The following PIK3C2A variants were observed in gnomAD, a reference collection of about 807,000 sequenced individuals.
The protein encoded by PIK3C2A is phosphatidylinositol-4-phosphate 3-kinase catalytic subunit type 2 alpha.
PIK3C2A carries 97 observed loss-of-function variants against 204.5 expected under a neutral mutation model. The ratio of observed to expected loss-of-function variants is 0.47; its 90% CI spans 0.40 to 0.56. The LOEUF is 0.56. Among genes scored for constraint, PIK3C2A ranks in the 20% least tolerant of loss-of-function variants. PIK3C2A has a pLI of 0.00. For missense variants in PIK3C2A, 1,735 were observed against 1,969.2 expected, an observed-to-expected ratio of 0.88 and a Z score of 2.25; for synonymous variants, 653 against 664.4, an observed-to-expected ratio of 0.98 and a Z score of 0.26.
At position 17,105,220 on chromosome 11, in the gene PIK3C2A, T is replaced by G. The variant is rs1352165369; in HGVS notation, c.3630A>C (p.Pro1210=). 3.1e-6 allele frequency: 5 copies of G among 1,611,610 alleles called. No individual in the cohort carries two copies. Among genetic ancestry groups the G allele is most frequent in the Non-Finnish European group, 4.2e-6 (5 of 1,177,870 alleles). The change falls in exon 23 of 33, where the codon CCA becomes CCC. Residue 1210 remains proline (P), a synonymous_variant. Coordinates refer to ENST00000691414, the MANE Select transcript of PIK3C2A (RefSeq NM_002645.4). ...YGVTGSFKDK[P]LAEWLRKYNP... is the part of the protein sequence containing the mutation. Reference sequence around the variant, plus strand: ...TGTATTTCCTTAGCCACTCTGCAAGTGGTTTATCTTTAAAGGATCCTGTCA... The same window carrying G: ...TGTATTTCCTTAGCCACTCTGCAAGGGGTTTATCTTTAAAGGATCCTGTCA...
chr11:17,091,431 G>C lies in PIK3C2A; in HGVS notation c.4781C>G (p.Pro1594Arg). The C allele has an allele frequency of 6.2e-7, 1 of 1,613,662 alleles. No homozygotes were observed. The highest frequency in any genetic ancestry group is 8.5e-7 in the Non-Finnish European group (1 of 1,179,802). ...TGGAAGTAGGTATGTTTTGACATAT[G>C]GATTTGGGTCAGCTCCATCTTCAGT... ...LVTEDGADPN[P>R]YVKTYLLPDN... Residue 1594 changes from proline to arginine, a missense_variant, in exon 32 of 33, where the codon CCA becomes CGA. Physicochemically the swap from Pro to Arg is moderately radical, Grantham distance 103. This residue lies in a region of PIK3C2A where 503 missense variants were observed against 669.0 expected (regional missense o/e 0.75). Transcript: ENST00000691414.
intron 2 of PIK3C2A, among the ~76,000 whole-genome samples, chr11:17,156,040 CA>C (rs1239981176): frequency 6.6e-6 from 1 of 152,138 alleles, no homozygotes; most frequent in East Asian, 1.9e-4. Context: ...AACTAGGACC[CA>C]AATCCCAAGA....
intron 1 of PIK3C2A, among the ~76,000 whole-genome samples, chr11:17,197,848 A>T: frequency 6.6e-6 from 1 of 152,338 alleles, no homozygotes; most frequent in Admixed American, 6.5e-5. Context: ...ACCTGCATTT[A>T]ACATGGCTTA....
At chr11:17,146,282 G>A (rs993271527) in intron 6 of PIK3C2A, among the ~76,000 whole-genome samples, 2 of 152,176 alleles carry the variant, frequency 1.3e-5, no homozygotes, top group Admixed American at 6.5e-5. Flanking sequence ...AAATGCATAT[G>A]GGGTAGAAAA....
chr11:17,137,173 C>T (rs1267273078), intron 8 of PIK3C2A, among the ~76,000 whole-genome samples: 12 of 152,092 alleles, frequency 7.9e-5, no homozygotes, highest in Non-Finnish European at 1.8e-4. Flanking sequence ...TACTATACCA[C>T]CCCTTAAAAA....
chr11:17,110,501 T>C lies in PIK3C2A; in HGVS notation c.3475A>G (p.Ile1159Val). ...AGATCTAGTCCTTCTTTAAGCCAGA[T>C]CTTATCCATAATCTTTATCATCTGT... The part of the protein sequence containing the change: ...ALQMIKIMDK[I>V]WLKEGLDLRM... The change falls in exon 22 of 33, where the codon ATC becomes GTC. Residue 1159 changes from isoleucine (I) to valine (V), a missense_variant. By Grantham distance (29) the Ile-to-Val change is conservative (BLOSUM62 3). This residue lies in a region of PIK3C2A where 503 missense variants were observed against 669.0 expected (regional missense o/e 0.75). Transcript: ENST00000691414. 1.9e-6 allele frequency: 3 copies of C among 1,610,172 alleles called. No individual in the cohort carries two copies. In the South Asian group the frequency reaches 3.3e-5, roughly 18 times the overall value.
At chr11:17,198,935 G>A (rs1393472775) in intron 1 of PIK3C2A, among the ~76,000 whole-genome samples, 3 of 152,064 alleles carry the variant, frequency 2.0e-5, no homozygotes, top group Admixed American at 6.6e-5. Context: ...CCTGGCCAAC[G>A]TGGTGAAACA....
chr11:17,113,029 G>A (rs886993907), intron 20 of PIK3C2A, among the ~76,000 whole-genome samples: 4 of 151,434 alleles, frequency 2.6e-5, no homozygotes, highest in Admixed American at 2.6e-4. Flanking sequence ...TTATTTTTTT[G>A]AGATAGAGTT....
intron 1 of PIK3C2A, among the ~76,000 whole-genome samples, chr11:17,171,499 A>G (rs989332931): frequency 1.3e-4 from 20 of 151,786 alleles, no homozygotes; most frequent in Admixed American, 1.2e-3. Context: ...AGGTAATACT[A>G]AACAAAAAAA....
intron 8 of PIK3C2A, among the ~76,000 whole-genome samples, chr11:17,143,708 G>A (rs555171828): frequency 3.0e-4 from 46 of 152,154 alleles, no homozygotes; most frequent in Middle Eastern, 6.8e-3. Flanking sequence ...AGGCCAAGGC[G>A]AGTGGATCAC....
At chr11:17,182,901 A>G (rs522619) in intron 1 of PIK3C2A, among the ~76,000 whole-genome samples, 36,544 of 152,156 alleles carry the variant, frequency 0.24, 5,374 homozygotes, top group East Asian at 0.38. Flanking sequence ...GTGAAGCAGC[A>G]TGATCACAGT....
intron 6 of PIK3C2A, among the ~76,000 whole-genome samples, chr11:17,147,054 T>G (rs1850266545): frequency 6.7e-6 from 1 of 149,356 alleles, no homozygotes; most frequent in Admixed American, 6.6e-5. Context: ...TGAAAGCACT[T>G]TTTTTTTTAA....
rs897681544 is a variant in PIK3C2A, at chr11:17,088,860, A to G, written c.*878T>C. 7 of 152,232 alleles carry G rather than the reference A, an allele frequency of 4.6e-5. No homozygotes were observed. Among genetic ancestry groups the G allele is most frequent in the African/African-American group, 1.4e-4 (6 of 41,472 alleles). The allele number at this position is 152,232 out of a possible 1,614,324, so 9.4% of individuals were successfully genotyped here. ...GGAGGTGAAATTACCATTCCTGGGA[A>G]TAAATGTAGGATTTTAATGGAATGA... is the stretch of plus-strand genomic sequence containing the variant. On this transcript the variant is annotated 3_prime_UTR_variant, in exon 33 of 33. Transcript: ENST00000691414.
intron 1 of PIK3C2A, among the ~76,000 whole-genome samples, chr11:17,207,258 C>T (rs528850888): frequency 6.6e-6 from 1 of 152,276 alleles, no homozygotes; most frequent in African/African-American, 2.4e-5. Context: ...GGATGATGCG[C>T]TAAATACACA....
intron 2 of PIK3C2A, among the ~76,000 whole-genome samples, chr11:17,166,889 T>C (rs766365221): frequency 5.3e-5 from 8 of 152,156 alleles, no homozygotes; most frequent in Admixed American, 1.3e-4. Context: ...ATCTGCCTAT[T>C]AGAAATTGAC....
intron 12 of PIK3C2A, among the ~76,000 whole-genome samples, chr11:17,130,367 C>T (rs577615933): frequency 2.0e-5 from 3 of 152,168 alleles, no homozygotes; most frequent in Non-Finnish European, 4.4e-5. Flanking sequence ...TTTTGTGTTA[C>T]TTGATTGCTT....
At chr11:17,130,662 C>G (rs984166948) in intron 12 of PIK3C2A, among the ~76,000 whole-genome samples, 1 of 151,222 alleles carries the variant, frequency 6.6e-6, no homozygotes, top group Non-Finnish European at 1.5e-5. Context: ...AAAAAATTAG[C>G]CAGGCATGGT....
At chr11:17,192,884 T>A (rs766747846) in intron 1 of PIK3C2A, among the ~76,000 whole-genome samples, 2 of 152,258 alleles carry the variant, frequency 1.3e-5, no homozygotes, top group Admixed American at 6.5e-5. Context: ...CCAAAACTCA[T>A]GTTGAAATTT....
In PIK3C2A at chr11:17,099,852, T is replaced by C. The variant is rs1590901663; in HGVS notation, c.4118+8A>G. 3 of 1,187,414 alleles carry C rather than the reference T, an allele frequency of 2.5e-6. No homozygotes were observed. Among genetic ancestry groups the C allele is most frequent in the Non-Finnish European group, 3.8e-6 (3 of 795,318 alleles). The allele number at this position is 1,187,414 out of a possible 1,614,324, so 73.6% of individuals were successfully genotyped here. On this transcript the variant is annotated splice_region_variant and intron_variant, in intron 26 of 32. Transcript: ENST00000691414. ...GTTCCTTCTGCAATATACTTAAATA[T>C]GCTTTACCTAGTAAAGAAAATTGTA...
Sources: allele counts gnomAD v4.1 joint callset (sites outside exome capture counted in the v4.1 genomes callset), GRCh38; gene constraint gnomAD v4.1.1; regional missense constraint gnomAD v4.1.1; transcripts MANE v1.5; gene names NCBI Gene and HGNC (gene_info 2026-07-23, HGNC 2026-07-21).